Variants in KCNMB2 observed in about 807,000 individuals in gnomAD.
KCNMB2 encodes calcium-activated potassium channel subunit beta-2.
In KCNMB2, 9 loss-of-function variants were observed where a neutral mutation model predicts 24.5. The ratio of observed to expected loss-of-function variants is 0.37; its 90% CI spans 0.22 to 0.64. The LOEUF is 0.64. Among genes scored for constraint, KCNMB2 ranks in the 30% least tolerant of loss-of-function variants. The probability of loss-of-function intolerance (pLI) is 0.63; values close to 1 mark genes in which losing one functional copy is unlikely to be tolerated. For synonymous variants in KCNMB2, 109 were observed against 104.4 expected (o/e 1.04, Z -0.27); for missense variants, 226 against 284.3 (o/e 0.79, Z 1.47).
chr3:178,578,043 C>G (rs1165277986), intron 1 of KCNMB2, among the ~76,000 whole-genome samples: 1 of 152,150 alleles, frequency 6.6e-6, no homozygotes, highest in East Asian at 1.9e-4. Flanking sequence ...CAAAGATACT[C>G]CTTGAGAAGA....
chr3:178,737,827 C>T (rs1723366635), intron 1 of KCNMB2, among the ~76,000 whole-genome samples: 1 of 152,148 alleles, frequency 6.6e-6, no homozygotes, highest in African/African-American at 2.4e-5. Context: ...TTGATTAGAA[C>T]TTTTCTAAGT....
At chr3:178,725,057 A>G (rs1273596526) in intron 1 of KCNMB2, among the ~76,000 whole-genome samples, 1 of 152,146 alleles carries the variant, frequency 6.6e-6, no homozygotes, top group Non-Finnish European at 1.5e-5. Context: ...TAAAAATGAC[A>G]TTGGTAATTT....
At chr3:178,637,775 G>T (rs977288603) in intron 1 of KCNMB2, among the ~76,000 whole-genome samples, 1 of 152,068 alleles carries the variant, frequency 6.6e-6, no homozygotes, top group Non-Finnish European at 1.5e-5. Context: ...CCCTGCATAT[G>T]GTAGTTATTT....
intron 1 of KCNMB2, among the ~76,000 whole-genome samples, chr3:178,759,679 T>G (rs1224226240): frequency 1.0e-5 from 1 of 97,720 alleles, no homozygotes; most frequent in African/African-American, 3.3e-5. Context: ...TATATATATA[T>G]CCAAGAGGAT....
In KCNMB2 at chr3:178,594,546, A is replaced by C. The variant is rs111711733; in HGVS notation, c.-68+57835A>C. Among the ~76,000 whole-genome samples, 529 of 152,192 alleles carry C rather than the reference A, an allele frequency of 3.5e-3. 4 individuals are homozygous for C. The highest frequency in any genetic ancestry group is 0.012 in the African/African-American group (507 of 41,518). ...AAAATTGGAGTAGCCATTTACTGAG[A>C]TAGAATAGAAAGAGCATGTTTGCAG... On this transcript the variant is annotated intron_variant, in intron 1 of 4. Transcript: ENST00000452583.
intron 1 of KCNMB2, among the ~76,000 whole-genome samples, chr3:178,718,648 T>C (rs1226261160): frequency 6.6e-6 from 1 of 152,186 alleles, no homozygotes; most frequent in Non-Finnish European, 1.5e-5. Flanking sequence ...TGGAATACAC[T>C]GGGAGATTGC....
intron 1 of KCNMB2, among the ~76,000 whole-genome samples, chr3:178,557,376 G>A (rs1352096738): frequency 1.3e-5 from 2 of 152,170 alleles, no homozygotes; most frequent in East Asian, 3.8e-4. Flanking sequence ...TGAATTAAGA[G>A]CGGAAACATT....
chr3:178,616,449 G>A (rs548037318), intron 1 of KCNMB2, among the ~76,000 whole-genome samples: 1 of 152,280 alleles, frequency 6.6e-6, no homozygotes, highest in South Asian at 2.1e-4. Flanking sequence ...TGGTCTAACA[G>A]GATAGTACTG....
intron 1 of KCNMB2, among the ~76,000 whole-genome samples, chr3:178,636,781 G>A (rs958272028): frequency 6.6e-6 from 1 of 152,158 alleles, no homozygotes; most frequent in African/African-American, 2.4e-5. Context: ...TGTGCCAGAT[G>A]TGCAGGTTTG....
intron 1 of KCNMB2, among the ~76,000 whole-genome samples, chr3:178,599,453 A>T (rs1359039313): frequency 6.6e-6 from 1 of 152,184 alleles, no homozygotes; most frequent in African/African-American, 2.4e-5. Context: ...AGAATTTTTT[A>T]AAAGTATGTG....
At chr3:178,689,594 C>T (rs1266309386) in intron 1 of KCNMB2, among the ~76,000 whole-genome samples, 1 of 152,144 alleles carries the variant, frequency 6.6e-6, no homozygotes, top group African/African-American at 2.4e-5. Flanking sequence ...TGAAATTGCA[C>T]CACTGCACTC....
At chr3:178,683,673 G>A (rs933314335) in intron 1 of KCNMB2, among the ~76,000 whole-genome samples, 2 of 152,174 alleles carry the variant, frequency 1.3e-5, no homozygotes, top group African/African-American at 4.8e-5. Context: ...TATTGCATCA[G>A]ACAATGCAGC....
chr3:178,756,448 T>C (rs1010750085), intron 1 of KCNMB2, among the ~76,000 whole-genome samples: 1 of 152,188 alleles, frequency 6.6e-6, no homozygotes, highest in Non-Finnish European at 1.5e-5. Flanking sequence ...TTTATGTGTG[T>C]TTTATGTGTG....
intron 1 of KCNMB2, among the ~76,000 whole-genome samples, chr3:178,549,515 T>TGA (rs1242593324): frequency 1.5e-5 from 2 of 137,074 alleles, no homozygotes; most frequent in Non-Finnish European, 1.5e-5. Context: ...TTAGTAGAGA[T>TGA]GAGGTTTCAC....
intron 1 of KCNMB2, among the ~76,000 whole-genome samples, chr3:178,755,124 G>A (rs977218806): frequency 5.3e-5 from 8 of 152,328 alleles, no homozygotes; most frequent in Middle Eastern, 3.4e-3. Flanking sequence ...TGAGAGTGCC[G>A]TTTCCACGGC....
chr3:178,820,179 T>C (rs1443703927), intron 2 of KCNMB2, among the ~76,000 whole-genome samples: 1 of 152,210 alleles, frequency 6.6e-6, no homozygotes, highest in Non-Finnish European at 1.5e-5. Flanking sequence ...GTTGGCAAAA[T>C]ATTTATGTAG....
intron 1 of KCNMB2, among the ~76,000 whole-genome samples, chr3:178,656,087 C>T (rs140988068): frequency 2.6e-5 from 4 of 152,196 alleles, no homozygotes; most frequent in East Asian, 1.9e-4. Flanking sequence ...GTAATTAAGA[C>T]GTAAACATGA....
chr3:178,640,457 G>A (rs895819251), intron 1 of KCNMB2, among the ~76,000 whole-genome samples: 3 of 152,078 alleles, frequency 2.0e-5, no homozygotes, highest in African/African-American at 7.2e-5. Flanking sequence ...AACAGCAAGG[G>A]GGAAATCCGC....
chr3:178,576,029 C>G (rs1716975574), intron 1 of KCNMB2, among the ~76,000 whole-genome samples: 1 of 151,992 alleles, frequency 6.6e-6, no homozygotes. Context: ...TAAGCTTATA[C>G]AAAATCAGAT....
Sources: gnomAD v4.1 joint callset for allele counts (sites outside exome capture counted in the v4.1 genomes callset) on GRCh38, gnomAD v4.1.1 for gene constraint, MANE v1.5 for transcripts, NCBI Gene and HGNC (gene_info 2026-07-23, HGNC 2026-07-21) for gene names.